Variants in MAST4 observed in about 807,000 individuals in gnomAD.
MAST4 encodes microtubule associated serine/threonine kinase family member 4, also known as microtubule-associated serine/threonine-protein kinase 4.
In MAST4, 89 loss-of-function variants were observed where a neutral mutation model predicts 162.7. The observed-to-expected ratio is 0.55, with a 90% CI of 0.46 to 0.65. The LOEUF is 0.65. Among genes scored for constraint, MAST4 ranks in the 30% least tolerant of loss-of-function variants. The pLI is 0.00. For synonymous variants in MAST4, 1,479 were observed against 1,361.1 expected (o/e 1.09, Z -1.91); for missense variants, 3,153 against 3,374.0 (o/e 0.93, Z 1.62).
intron 3 of MAST4, among the ~76,000 whole-genome samples, chr5:66,892,151 C>A (rs1561420055): frequency 6.6e-6 from 1 of 152,146 alleles, no homozygotes; most frequent in East Asian, 1.9e-4. Context: ...ATCTTTAAAC[C>A]AATTACTTTG....
chr5:66,744,511 G>A (rs1752643019), intron 1 of MAST4, among the ~76,000 whole-genome samples: 1 of 152,172 alleles, frequency 6.6e-6, no homozygotes, highest in Non-Finnish European at 1.5e-5. Flanking sequence ...AATTTATAAG[G>A]AAAAGAGGTT....
At chr5:66,841,625 A>G (rs1287435794) in intron 3 of MAST4, among the ~76,000 whole-genome samples, 1 of 152,054 alleles carries the variant, frequency 6.6e-6, no homozygotes. Flanking sequence ...TAAGGGCATT[A>G]ATCCCATCAT....
In MAST4 at chr5:67,005,230, G is replaced by A. The variant is rs1459568232; in HGVS notation, c.675-49174G>A. 13 of 646,534 alleles carry A rather than the reference G, an allele frequency of 2.0e-5. No homozygotes were observed. In the East Asian group the frequency reaches 3.0e-4, roughly 15 times the overall value. The allele number at this position is 646,534 out of a possible 1,614,324, so 40.0% of individuals were successfully genotyped here. A position where few individuals can be genotyped will look rare whatever the true frequency, so the allele number is the denominator to read the frequency against. On this transcript the variant is annotated intron_variant, in intron 4 of 28. Coordinates refer to ENST00000403625, the MANE Select transcript of MAST4 (RefSeq NM_001164664.2). The stretch of plus-strand genomic sequence containing the variant: ...AGTTTATGCCCCGCTAGGGGAGGGG[G>A]TACTGTTTCAGGTATTTCTTCGTCC...
intron 1 of MAST4, among the ~76,000 whole-genome samples, chr5:66,642,943 AG>A (rs1745582880): frequency 6.6e-6 from 1 of 152,186 alleles, no homozygotes; most frequent in East Asian, 1.9e-4. Context: ...GCTGGGAAGA[AG>A]GGGTGCCATG....
At chr5:66,920,726 G>A (rs1227147625) in intron 4 of MAST4, among the ~76,000 whole-genome samples, 1 of 152,030 alleles carries the variant, frequency 6.6e-6, no homozygotes, top group East Asian at 1.9e-4. Context: ...CCCTACCTCA[G>A]GAGATCCGCC....
At chr5:66,870,757 C>T (rs1760870643) in intron 3 of MAST4, 2 of 471,116 alleles carry the variant, frequency 4.2e-6, no homozygotes, top group Admixed American at 2.4e-5. Flanking sequence ...CGTTCACTCC[C>T]CATCTTCCAT....
In MAST4 at chr5:67,163,889, A is replaced by G; in HGVS notation, c.4710A>G (p.Glu1570=). ...AAAACTTTGCTCTGTTTAAGCTGGA[A>G]GAGAGAGAGAAGAAAGTCTATCCGA... ...DLENFALFKL[E]EREKKVYPKA... The change falls in exon 29 of 29, where the codon GAA becomes GAG. Residue 1570 remains glutamate, a synonymous_variant. Coordinates refer to ENST00000403625, the MANE Select transcript of MAST4 (RefSeq NM_001164664.2). The surrounding 1 kb of genome is among the most constrained non-coding windows in gnomAD (Gnocchi z 7.0). 6.2e-7 allele frequency: 1 copy of G among 1,613,932 alleles called. No homozygotes were observed. Among genetic ancestry groups the G allele is most frequent in the Non-Finnish European group, 8.5e-7 (1 of 1,179,850 alleles).
intron 1 of MAST4, among the ~76,000 whole-genome samples, chr5:66,746,814 T>C (rs953175636): frequency 3.9e-5 from 6 of 152,172 alleles, no homozygotes; most frequent in Non-Finnish European, 7.3e-5. Context: ...AAACAGGTGA[T>C]GTATATGCAA....
At chr5:66,602,555 G>A (rs1304072767) in intron 1 of MAST4, among the ~76,000 whole-genome samples, 4 of 151,896 alleles carry the variant, frequency 2.6e-5, no homozygotes, top group Admixed American at 2.6e-4. Context: ...TCATGGAAGT[G>A]GGGTATAAAG....
At chr5:67,133,786 T>A in intron 17 of MAST4, 140 bp downstream of exon 17, 1 of 929,472 alleles carries the variant, frequency 1.1e-6, no homozygotes, top group Non-Finnish European at 1.6e-6. Flanking sequence ...TTTAATAAAG[T>A]GCAAATTGCT....
chr5:67,098,878 C>A (rs1309196943), intron 7 of MAST4, among the ~76,000 whole-genome samples: 1 of 152,080 alleles, frequency 6.6e-6, no homozygotes, highest in Non-Finnish European at 1.5e-5. Flanking sequence ...TGCTCATAAT[C>A]AAATATATTA....
At chr5:67,034,622 C>G (rs577564877) in intron 4 of MAST4, among the ~76,000 whole-genome samples, 1 of 152,258 alleles carries the variant, frequency 6.6e-6, no homozygotes, top group South Asian at 2.1e-4. Context: ...CAGTGTGACT[C>G]TAGTTAGATT....
In MAST4 at chr5:67,114,376, A is replaced by G. The variant is rs549616092; in HGVS notation, c.1591+157A>G. The G allele has an allele frequency of 2.1e-4, 179 of 859,286 alleles. 2 individuals are homozygous for G. The highest frequency in any genetic ancestry group is 1.9e-3 in the South Asian group (108 of 56,512). 53.2% of individuals were successfully genotyped at this position (859,286 alleles called of 1,614,324 possible). A position where few individuals can be genotyped will look rare whatever the true frequency, so the allele number is the denominator to read the frequency against. ...TGGTTGCTATTTGAAGGAAATAGCC[A>G]TAAAATGGGTCCTGAGACACGAATG... On this transcript the variant is annotated intron_variant, in intron 12 of 28. Coordinates refer to ENST00000403625, the MANE Select transcript of MAST4 (RefSeq NM_001164664.2).
intron 3 of MAST4, among the ~76,000 whole-genome samples, chr5:66,801,265 G>A (rs1002151556): frequency 1.3e-5 from 2 of 152,094 alleles, no homozygotes; most frequent in Non-Finnish European, 2.9e-5. Flanking sequence ...AAGGGACCTG[G>A]AGGCAAATTC....
At chr5:66,924,321 T>C (rs181016100) in intron 4 of MAST4, among the ~76,000 whole-genome samples, 79 of 152,292 alleles carry the variant, frequency 5.2e-4, no homozygotes, top group Admixed American at 5.2e-4. Flanking sequence ...ATCCCTATTA[T>C]TGTGGTCTAT....
At chr5:66,854,563 G>C (rs941931830) in intron 3 of MAST4, among the ~76,000 whole-genome samples, 1 of 152,058 alleles carries the variant, frequency 6.6e-6, no homozygotes, top group Non-Finnish European at 1.5e-5. Flanking sequence ...CTGCTCATAG[G>C]ACGGCTCATA....
chr5:66,675,356 T>C (rs548864890), intron 1 of MAST4, among the ~76,000 whole-genome samples: 2 of 152,326 alleles, frequency 1.3e-5, no homozygotes, highest in African/African-American at 4.8e-5. Context: ...ACTGCAGTAG[T>C]CCAGAAGAAG....
intron 1 of MAST4, among the ~76,000 whole-genome samples, chr5:66,713,090 A>G (rs1205547869): frequency 6.6e-6 from 1 of 152,192 alleles, no homozygotes; most frequent in African/African-American, 2.4e-5. Context: ...CTAAATCAGC[A>G]TGTAGCAGAA....
chr5:67,162,542 G>T, intron 27 of MAST4, 65 bp from the exon 28 acceptor site: 1 of 1,467,226 alleles, frequency 6.8e-7, no homozygotes. Flanking sequence ...GAGCACAATG[G>T]TATTTTGGGG....
Sources: allele counts gnomAD v4.1 joint callset (sites outside exome capture counted in the v4.1 genomes callset), GRCh38; gene constraint gnomAD v4.1.1; non-coding constraint Gnocchi (gnomAD v3.1); transcripts MANE v1.5; gene names NCBI Gene and HGNC (gene_info 2026-07-23, HGNC 2026-07-21).